The following MAGI2 variants were observed in gnomAD, a reference collection of about 807,000 sequenced individuals.
The protein encoded by MAGI2 is membrane-associated guanylate kinase, WW and PDZ domain-containing protein 2.
A neutral mutation model predicts 133.3 loss-of-function variants in MAGI2; 35 were observed. The ratio of observed to expected loss-of-function variants is 0.26; its 90% CI spans 0.20 to 0.35. MAGI2 has a LOEUF of 0.35. Ranked by LOEUF, MAGI2 falls within the 10% of genes least tolerant of loss-of-function variation. The probability of loss-of-function intolerance (pLI) is 1.00; values close to 1 mark genes in which losing one functional copy is unlikely to be tolerated. For synonymous variants in MAGI2, 729 were observed against 710.6 expected (o/e 1.03, Z -0.41); for missense variants, 1,636 against 1,863.4 (o/e 0.88, Z 2.25).
chr7:78,112,392 C>T (rs2150470688), intron 20 of MAGI2, among the ~76,000 whole-genome samples: 1 of 152,178 alleles, frequency 6.6e-6, no homozygotes, highest in East Asian at 1.9e-4. Context: ...TTTCTTAATG[C>T]TAGGCACAAT....
chr7:78,123,311 T>A (rs1281991713), intron 20 of MAGI2, among the ~76,000 whole-genome samples: 2 of 152,164 alleles, frequency 1.3e-5, no homozygotes, highest in Non-Finnish European at 2.9e-5. Flanking sequence ...CTCATACCTC[T>A]TGCATATATT....
At chr7:78,752,973 G>A (rs1823592915) in intron 2 of MAGI2, among the ~76,000 whole-genome samples, 1 of 152,184 alleles carries the variant, frequency 6.6e-6, no homozygotes, top group Admixed American at 6.5e-5. Flanking sequence ...AGACATGCCT[G>A]CTTTTAAACA....
intron 3 of MAGI2, among the ~76,000 whole-genome samples, chr7:78,581,090 G>A (rs910399489): frequency 1.3e-5 from 2 of 152,162 alleles, no homozygotes; most frequent in Non-Finnish European, 2.9e-5. Flanking sequence ...GAAACACAGA[G>A]AGATGTAATT....
chr7:78,912,302 G>A (rs113405246), intron 2 of MAGI2, among the ~76,000 whole-genome samples: 15 of 152,280 alleles, frequency 9.9e-5, no homozygotes, highest in African/African-American at 3.4e-4. Flanking sequence ...AGTATAGTGT[G>A]ACTTCAAGGA....
intron 6 of MAGI2, among the ~76,000 whole-genome samples, chr7:78,481,665 A>C (rs564880586): frequency 1.3e-5 from 2 of 152,052 alleles, no homozygotes; most frequent in South Asian, 4.2e-4. Context: ...GAAGAAGAAT[A>C]GCCTTTTCAA....
chr7:78,882,954 G>A (rs1384736422), intron 2 of MAGI2, among the ~76,000 whole-genome samples: 2 of 151,992 alleles, frequency 1.3e-5, no homozygotes, highest in South Asian at 2.1e-4. Flanking sequence ...AAGAAGATAA[G>A]GATGCCCACT....
intron 21 of MAGI2, among the ~76,000 whole-genome samples, chr7:78,051,998 A>G (rs962384855): frequency 6.6e-6 from 1 of 151,474 alleles, no homozygotes; most frequent in Non-Finnish European, 1.5e-5. Context: ...CAGCCTCCCA[A>G]GTAGCTGGGA....
At position 78,631,991 on chromosome 7, in the gene MAGI2, C is replaced by A. The variant is rs1049440054; in HGVS notation, c.419-4752G>T. 2.0e-5 allele frequency among the ~76,000 whole-genome samples: 3 copies of A among 152,174 alleles called. 1 individual carries two copies. Among genetic ancestry groups the A allele is most frequent in the Admixed American group, 2.0e-4 (3 of 15,282 alleles). On this transcript the variant is annotated intron_variant, in intron 2 of 21. Coordinates refer to ENST00000354212, the MANE Select transcript of MAGI2 (RefSeq NM_012301.4). Reference sequence around the variant, plus strand: ...AATGTGAGGAACAAATGGGATAATTCATATAACATACTTAAGACAATGTCT... The same window carrying A: ...AATGTGAGGAACAAATGGGATAATTAATATAACATACTTAAGACAATGTCT...
chr7:79,022,046 G>T (rs868569043), intron 1 of MAGI2, among the ~76,000 whole-genome samples: 1 of 152,076 alleles, frequency 6.6e-6, no homozygotes, highest in Non-Finnish European at 1.5e-5. Flanking sequence ...CCTGTGAAAA[G>T]GTGCCCTCCA....
chr7:79,431,407 T>C (rs1172892275), intron 1 of MAGI2, among the ~76,000 whole-genome samples: 2 of 152,188 alleles, frequency 1.3e-5, no homozygotes, highest in African/African-American at 4.8e-5. Context: ...AATAAACTTT[T>C]AAGTTCTCAA....
At chr7:78,378,230 G>C (rs1262170260) in intron 6 of MAGI2, among the ~76,000 whole-genome samples, 1 of 151,846 alleles carries the variant, frequency 6.6e-6, no homozygotes, top group Non-Finnish European at 1.5e-5. Flanking sequence ...AAACAAAAAG[G>C]TAAAAAGAAT....
At chr7:78,297,846 G>T (rs1203494830) in intron 9 of MAGI2, among the ~76,000 whole-genome samples, 2 of 112,104 alleles carry the variant, frequency 1.8e-5, no homozygotes, top group Non-Finnish European at 3.7e-5. Context: ...GGGGGAGGGG[G>T]AGGGGGGAGG....
intron 6 of MAGI2, among the ~76,000 whole-genome samples, chr7:78,410,524 T>C (rs2151376697): frequency 6.6e-6 from 1 of 152,152 alleles, no homozygotes; most frequent in Middle Eastern, 3.4e-3. Context: ...TACTTTGGCT[T>C]TAAAAAAATT....
At chr7:78,996,577 T>G (rs933926424) in intron 2 of MAGI2, among the ~76,000 whole-genome samples, 4 of 152,138 alleles carry the variant, frequency 2.6e-5, no homozygotes, top group Non-Finnish European at 2.9e-5. Flanking sequence ...AATACCTGGA[T>G]GAATGAAATA....
intron 1 of MAGI2, among the ~76,000 whole-genome samples, chr7:79,318,502 T>C (rs1838918965): frequency 6.6e-6 from 1 of 152,204 alleles, no homozygotes; most frequent in Admixed American, 6.5e-5. Flanking sequence ...TTGAATTCTA[T>C]ATTTTCTGTA....
At chr7:79,117,542 C>T (rs763961174) in intron 1 of MAGI2, among the ~76,000 whole-genome samples, 16 of 152,038 alleles carry the variant, frequency 1.1e-4, no homozygotes, top group Non-Finnish European at 1.5e-4. Flanking sequence ...ACAAATGGTA[C>T]GAAGTCTTCT....
rs10240458 is a variant in MAGI2 at position 78,052,767 on chromosome 7, A to T, written c.3706+26180T>A. Among the ~76,000 whole-genome samples the T allele has an allele frequency of 3.3e-5, 5 of 152,192 alleles. 1 individual carries two copies. The South Asian group carries it at 8.3e-4, about 25-fold the overall frequency. ...TGACCCCCTATAAGAATGCAGGTAC[A>T]CTGACCCACTGGTTTTGCTCTTCAA... On this transcript the variant is annotated intron_variant, in intron 21 of 21. Transcript: ENST00000354212.
At chr7:79,180,957 A>G (rs904772344) in intron 1 of MAGI2, among the ~76,000 whole-genome samples, 3 of 151,922 alleles carry the variant, frequency 2.0e-5, no homozygotes, top group African/African-American at 7.3e-5. Context: ...CTTTGACTTC[A>G]TGTCTCACAT....
intron 1 of MAGI2, among the ~76,000 whole-genome samples, chr7:79,049,056 G>A (rs946940375): frequency 6.6e-6 from 1 of 152,148 alleles, no homozygotes; most frequent in Non-Finnish European, 1.5e-5. Context: ...AGATGATCAT[G>A]CTTTTAAGGT....
Sources: gnomAD v4.1 joint callset for allele counts (sites outside exome capture counted in the v4.1 genomes callset) on GRCh38, gnomAD v4.1.1 for gene constraint, MANE v1.5 for transcripts, NCBI Gene and HGNC (gene_info 2026-07-23, HGNC 2026-07-21) for gene names.